The following KCND2 variants were observed in gnomAD, a reference collection of about 807,000 sequenced individuals.
KCND2 encodes potassium voltage-gated channel subfamily D member 2, also known as A-type voltage-gated potassium channel KCND2.
KCND2 carries 16 observed loss-of-function variants against 54.4 expected under a neutral mutation model. The observed-to-expected ratio is 0.29, with a 90% CI of 0.20 to 0.45. The LOEUF (loss-of-function observed/expected upper bound fraction) is 0.45. KCND2 is among the 20% of genes least tolerant of loss of function. The pLI, the probability that KCND2 is intolerant of heterozygous loss-of-function variation, is 1.00. For missense variants in KCND2, 486 were observed against 824.2 expected (o/e 0.59, Z 5.02); for synonymous variants, 317 against 310.7 (o/e 1.02, Z -0.21).
At chr7:120,425,947 AT>A (rs5886985) in intron 1 of KCND2, among the ~76,000 whole-genome samples, 37,774 of 144,572 alleles carry the variant, frequency 0.26, 6,373 homozygotes, top group East Asian at 0.57. Context: ...TCTTGACTCT[AT>A]TTTTTTTTTT....
chr7:120,363,849 G>A (rs1371631087), intron 1 of KCND2, among the ~76,000 whole-genome samples: 10 of 152,058 alleles, frequency 6.6e-5, no homozygotes, highest in Non-Finnish European at 1.3e-4. Flanking sequence ...TCCTCCAGCT[G>A]TTTCTGTTGC....
chr7:120,441,930 G>T (rs1801950568), intron 1 of KCND2, among the ~76,000 whole-genome samples: 1 of 152,014 alleles, frequency 6.6e-6, no homozygotes, highest in Non-Finnish European at 1.5e-5. Flanking sequence ...GTTTTCTCTG[G>T]TCTCCACCCA....
At chr7:120,366,747 G>C (rs963848097) in intron 1 of KCND2, among the ~76,000 whole-genome samples, 4 of 152,004 alleles carry the variant, frequency 2.6e-5, no homozygotes, top group African/African-American at 9.7e-5. Context: ...ACAGCTACCT[G>C]AACATTGTCT....
chr7:120,415,053 C>T (rs1194450297), intron 1 of KCND2, among the ~76,000 whole-genome samples: 1 of 152,158 alleles, frequency 6.6e-6, no homozygotes, highest in Non-Finnish European at 1.5e-5. Flanking sequence ...TATGTCAGTG[C>T]AGCGTAGCTT....
At chr7:120,597,552 G>T (rs1052792963) in intron 1 of KCND2, among the ~76,000 whole-genome samples, 1 of 152,076 alleles carries the variant, frequency 6.6e-6, no homozygotes, top group Non-Finnish European at 1.5e-5. Context: ...TTTCCTTAAT[G>T]AAATTCTGAA....
intron 1 of KCND2, among the ~76,000 whole-genome samples, chr7:120,634,930 C>G (rs1019366417): frequency 3.9e-5 from 6 of 152,174 alleles, no homozygotes; most frequent in Non-Finnish European, 7.3e-5. Flanking sequence ...CCTCACACCA[C>G]CTCTTCCTCA....
intron 1 of KCND2, among the ~76,000 whole-genome samples, chr7:120,711,971 C>T (rs1464380633): frequency 6.6e-6 from 1 of 151,866 alleles, no homozygotes; most frequent in Non-Finnish European, 1.5e-5. Flanking sequence ...TAATTTAAAG[C>T]AAAATTAAGG....
At chr7:120,742,469 A>G (rs1367674415) in intron 3 of KCND2, 41 bp from the exon 4 acceptor site, 1 of 1,526,758 alleles carries the variant, frequency 6.5e-7, no homozygotes, top group East Asian at 2.3e-5. Flanking sequence ...AGTTGTTTGC[A>G]AATAAAATAG....
chr7:120,697,059 G>A (rs1792341457), intron 1 of KCND2, among the ~76,000 whole-genome samples: 1 of 152,130 alleles, frequency 6.6e-6, no homozygotes, highest in Non-Finnish European at 1.5e-5. Flanking sequence ...CTCTGAGTCA[G>A]TAAAACGGTC....
chr7:120,601,558 A>G (rs571739501), intron 1 of KCND2, among the ~76,000 whole-genome samples: 1 of 152,298 alleles, frequency 6.6e-6, no homozygotes, highest in Admixed American at 6.5e-5. Flanking sequence ...ATTGTTTATA[A>G]GAGTTAATCG....
chr7:120,546,998 G>A (rs1393615320), intron 1 of KCND2, among the ~76,000 whole-genome samples: 2 of 151,336 alleles, frequency 1.3e-5, no homozygotes, highest in Non-Finnish European at 3.0e-5. Context: ...TCTAGATTAT[G>A]TTATCAAAAT....
At chr7:120,471,271 G>T (rs892447348) in intron 1 of KCND2, among the ~76,000 whole-genome samples, 1 of 152,016 alleles carries the variant, frequency 6.6e-6, no homozygotes, top group Non-Finnish European at 1.5e-5. Context: ...TCCTTGAATT[G>T]CAGACAGCAT....
chr7:120,710,817 C>T (rs1584892492), intron 1 of KCND2, among the ~76,000 whole-genome samples: 3 of 152,232 alleles, frequency 2.0e-5, no homozygotes, highest in Admixed American at 2.0e-4. Context: ...CCAGGGCTGG[C>T]AAAGCATGCA....
chr7:120,623,638 C>T (rs931515577), intron 1 of KCND2, among the ~76,000 whole-genome samples: 2 of 152,058 alleles, frequency 1.3e-5, no homozygotes, highest in African/African-American at 4.8e-5. Context: ...AGCACAATGC[C>T]TTACATTTGA....
At chr7:120,513,068 G>A (rs1803144246) in intron 1 of KCND2, among the ~76,000 whole-genome samples, 2 of 151,926 alleles carry the variant, frequency 1.3e-5, no homozygotes, top group South Asian at 4.1e-4. Flanking sequence ...CAAAGTGCTG[G>A]GATTACAGGA....
intron 1 of KCND2, among the ~76,000 whole-genome samples, chr7:120,719,724 C>CA (rs1044272897): frequency 1.2e-4 from 18 of 152,004 alleles, no homozygotes; most frequent in Non-Finnish European, 2.5e-4. Context: ...GCTCCTGCAA[C>CA]AAAAAAGACT....
chr7:120,398,164 C>T (rs1294387625), intron 1 of KCND2, among the ~76,000 whole-genome samples: 2 of 86,260 alleles, frequency 2.3e-5, no homozygotes, highest in African/African-American at 1.2e-4. Context: ...TACATATATA[C>T]ACACACACAC....
chr7:120,340,215 C>T (rs1046004767), intron 1 of KCND2, among the ~76,000 whole-genome samples: 1 of 152,122 alleles, frequency 6.6e-6, no homozygotes, highest in Non-Finnish European at 1.5e-5. Context: ...TAGTAATCCA[C>T]GTAAGTGATA....
chr7:120,619,274 A>G (rs766971063), intron 1 of KCND2, among the ~76,000 whole-genome samples: 7 of 152,220 alleles, frequency 4.6e-5, no homozygotes, highest in Non-Finnish European at 1.5e-5. Context: ...TACAAAAAAT[A>G]CAAAAATTAG....
Sources: allele counts gnomAD v4.1 joint callset (sites outside exome capture counted in the v4.1 genomes callset), GRCh38; gene constraint gnomAD v4.1.1; transcripts MANE v1.5; gene names NCBI Gene and HGNC (gene_info 2026-07-23, HGNC 2026-07-21).